PDZD8: variants seen among roughly 807,000 people sequenced by gnomAD.
PDZD8 encodes PDZ domain-containing protein 8.
A neutral mutation model predicts 85.8 loss-of-function variants in PDZD8; 14 were observed. The observed-to-expected ratio is 0.16, with a 90% CI of 0.11 to 0.26. The LOEUF is 0.26. PDZD8 is among the 10% of genes least tolerant of loss of function. The pLI is 1.00. For missense variants in PDZD8, 1,197 were observed against 1,424.3 expected (o/e 0.84, Z 2.57); for synonymous variants, 592 against 568.6 (o/e 1.04, Z -0.59).
At position 117,374,124 on chromosome 10, in the gene PDZD8, A is replaced by G. The variant is rs1845244664; in HGVS notation, c.872+232T>C. 6.6e-6 allele frequency among the ~76,000 whole-genome samples: 1 copy of G among 152,218 alleles called. No individual in the cohort carries two copies. The highest frequency in any genetic ancestry group is 2.4e-5 in the African/African-American group (1 of 41,460). On this transcript the variant is annotated intron_variant, in intron 1 of 4. Coordinates refer to ENST00000334464, the MANE Select transcript of PDZD8 (RefSeq NM_173791.5). The surrounding 1 kb of genome is among the most constrained non-coding windows in gnomAD (Gnocchi z 7.8). ...AGGAGACGATTCTGCCCGCGTTGAC[A>G]GCACCCTGAGTCCCCATGAACACGC...
intron 2 of PDZD8, among the ~76,000 whole-genome samples, chr10:117,333,132 A>AAAAAAAAAC (rs1844457261): frequency 1.3e-5 from 2 of 148,930 alleles, no homozygotes; most frequent in Non-Finnish European, 3.0e-5. Context: ...AAAAAAAAAA[A>AAAAAAAAAC]AAAAAAAAAA....
chr10:117,357,766 C>CAAAAAAAAAAAAA (rs767138640), intron 1 of PDZD8, among the ~76,000 whole-genome samples: 2 of 47,470 alleles, frequency 4.2e-5, no homozygotes, highest in African/African-American at 9.2e-5. Flanking sequence ...ACTTCATCTC[C>CAAAAAAAAAAAAA]AAAAAAAAAA....
chr10:117,287,243 C>A (rs363242), intron 4 of PDZD8, among the ~76,000 whole-genome samples: 115,956 of 151,856 alleles, frequency 0.76, 45,029 homozygotes, highest in Non-Finnish European at 0.85. Flanking sequence ...TTCCACAACA[C>A]TTTACACAAT....
intron 3 of PDZD8, among the ~76,000 whole-genome samples, chr10:117,312,666 G>C (rs1346720882): frequency 1.3e-5 from 2 of 152,156 alleles, no homozygotes; most frequent in African/African-American, 4.8e-5. Flanking sequence ...TTTAGTTCCA[G>C]TAAGGTTGCT....
At chr10:117,301,151 G>T (rs2133780556) in intron 3 of PDZD8, among the ~76,000 whole-genome samples, 1 of 152,136 alleles carries the variant, frequency 6.6e-6, no homozygotes, top group South Asian at 2.1e-4. Context: ...ACCACACCTG[G>T]CTAATTTTTA....
chr10:117,346,274 T>C (rs977828526), intron 1 of PDZD8, among the ~76,000 whole-genome samples: 3 of 142,978 alleles, frequency 2.1e-5, no homozygotes, highest in African/African-American at 5.1e-5. Flanking sequence ...ATTATGACAA[T>C]GTTACACTAA....
At position 117,306,221 on chromosome 10, in the gene PDZD8, T is replaced by C. The variant is rs550474820; in HGVS notation, c.1098+12651A>G. On this transcript the variant is annotated intron_variant, in intron 3 of 4. Transcript: ENST00000334464. Reference sequence around the variant, plus strand: ...CCTCATCTAAGAGACAACAAAGATCTAGAAGTATAATATCAAAAAGTAAAC... The same window carrying C: ...CCTCATCTAAGAGACAACAAAGATCCAGAAGTATAATATCAAAAAGTAAAC... 4.7e-4 allele frequency among the ~76,000 whole-genome samples: 72 copies of C among 152,288 alleles called. No individual in the cohort carries two copies. In the Middle Eastern group the frequency reaches 0.02, roughly 43 times the overall value.
intron 2 of PDZD8, 82 bp from the exon 3 acceptor site, chr10:117,319,056 A>G: frequency 1.1e-6 from 1 of 906,950 alleles, no homozygotes; most frequent in Admixed American, 2.2e-5. Context: ...TATAACAAGA[A>G]ACAACACATT....
intron 1 of PDZD8, among the ~76,000 whole-genome samples, chr10:117,342,393 TACACACACAC>T (rs59113065): frequency 1.4e-5 from 2 of 145,578 alleles, no homozygotes; most frequent in East Asian, 2.0e-4. Context: ...CACAAACAGA[TACACACACAC>T]ACACACACAC....
intron 1 of PDZD8, among the ~76,000 whole-genome samples, chr10:117,360,876 C>T (rs1844985278): frequency 6.6e-6 from 1 of 152,010 alleles, no homozygotes; most frequent in African/African-American, 2.4e-5. Context: ...AGTTCTTATA[C>T]ATTTTGTTCT....
intron 1 of PDZD8, among the ~76,000 whole-genome samples, chr10:117,362,462 G>A (rs1205086588): frequency 6.6e-6 from 1 of 151,914 alleles, no homozygotes; most frequent in South Asian, 2.1e-4. Flanking sequence ...AATAAAACAG[G>A]AATTCCTCAT....
rs571241287 is a variant in PDZD8, at chr10:117,303,357, C to A, written c.1099-13009G>T. ...ACTTGAGAAAGATGATTTAGGGTAT[C>A]TGGCAGAAGAAATTTCTAAGAAGAA... is the stretch of plus-strand genomic sequence containing the variant. On this transcript the variant is annotated intron_variant, in intron 3 of 4. Transcript: ENST00000334464. Among the ~76,000 whole-genome samples the A allele has an allele frequency of 2.0e-5, 3 of 152,290 alleles. No homozygotes were observed. In the East Asian group the frequency reaches 5.8e-4, roughly 29 times the overall value.
At position 117,374,247 on chromosome 10, in the gene PDZD8, GAAGCAGGCGCCAGGACAGA is replaced by G. The variant is rs1845246669; in HGVS notation, c.872+90_872+108del. On this transcript the variant is annotated intron_variant, in intron 1 of 4. Transcript: ENST00000334464. This position sits in a 1 kb window ranked among gnomAD's most constrained non-coding sequence, Gnocchi z 7.8. Reference sequence around the variant, plus strand: ...CCCTGTCCAGGGTGGGAAGGCCCCAGAAGCAGGCGCCAGGACAGAAATGAGCCTTTGCCCTTCCCAATCC... The same window carrying G: ...CCCTGTCCAGGGTGGGAAGGCCCCAGAATGAGCCTTTGCCCTTCCCAATCC... 17 of 1,501,558 alleles carry G rather than the reference GAAGCAGGCGCCAGGACAGA, an allele frequency of 1.1e-5. No individual in the cohort carries two copies. In the South Asian group the frequency reaches 1.9e-4, roughly 17 times the overall value. The allele number at this position is 1,501,558 out of a possible 1,614,324, so 93.0% of individuals were successfully genotyped here. A position where few individuals can be genotyped will look rare whatever the true frequency, so the allele number is the denominator to read the frequency against.
intron 3 of PDZD8, among the ~76,000 whole-genome samples, chr10:117,295,512 A>T (rs1843740678): frequency 6.6e-6 from 1 of 151,750 alleles, no homozygotes; most frequent in African/African-American, 2.4e-5. Flanking sequence ...CACACAAAAA[A>T]CTCCCTCCCA....
chr10:117,337,867 C>G (rs951685151), intron 2 of PDZD8, among the ~76,000 whole-genome samples: 1 of 152,122 alleles, frequency 6.6e-6, no homozygotes. Context: ...TTCTATAACT[C>G]AAAAGTCTAT....
intron 2 of PDZD8, among the ~76,000 whole-genome samples, chr10:117,323,740 AG>A (rs1844267001): frequency 6.6e-6 from 1 of 152,200 alleles, no homozygotes; most frequent in Admixed American, 6.5e-5. Flanking sequence ...CTTATGGGCA[AG>A]GCAAAGCCCC....
intron 1 of PDZD8, among the ~76,000 whole-genome samples, chr10:117,370,248 A>G (rs148883444): frequency 2.8e-4 from 42 of 152,366 alleles, no homozygotes; most frequent in African/African-American, 7.5e-4. Flanking sequence ...AAAATGTTTT[A>G]CAAACATTGT....
chr10:117,370,877 G>A (rs1845176664), intron 1 of PDZD8, among the ~76,000 whole-genome samples: 1 of 150,972 alleles, frequency 6.6e-6, no homozygotes, highest in Non-Finnish European at 1.5e-5. Flanking sequence ...CTATATCGAT[G>A]GCATGCTTTT....
chr10:117,291,981 A>G (rs1237836744), intron 3 of PDZD8, among the ~76,000 whole-genome samples: 2 of 152,122 alleles, frequency 1.3e-5, no homozygotes, highest in African/African-American at 2.4e-5. Context: ...CTTAAGTCCT[A>G]TTCTTCAAGG....
Sources: allele counts gnomAD v4.1 joint callset (sites outside exome capture counted in the v4.1 genomes callset), GRCh38; gene constraint gnomAD v4.1.1; non-coding constraint Gnocchi (gnomAD v3.1); transcripts MANE v1.5; gene names NCBI Gene and HGNC (gene_info 2026-07-23, HGNC 2026-07-21).